SLC5A4: variants seen among roughly 807,000 people sequenced by gnomAD.
SLC5A4 encodes the protein solute carrier family 5 member 4.
Under a neutral mutation model 70.3 loss-of-function variants are expected in SLC5A4, and 55 were observed. The observed-to-expected ratio is 0.78, with a 90% CI of 0.63 to 0.98. The LOEUF (loss-of-function observed/expected upper bound fraction) is 0.98. Among genes scored for constraint, SLC5A4 ranks in the 50% least tolerant of loss-of-function variants. The pLI is 0.00. For missense variants in SLC5A4, 735 were observed against 839.2 expected (o/e 0.88, Z 1.53); for synonymous variants, 268 against 305.7 (o/e 0.88, Z 1.29).
chr22:32,232,758 C>T (rs1194669399), intron 9 of SLC5A4, 141 bp downstream of exon 9: 2 of 1,001,760 alleles, frequency 2.0e-6, no homozygotes, highest in East Asian at 2.7e-5. Context: ...CCTTTGACCA[C>T]TGTGCAGGCT....
the SLC5A4 span, among the ~76,000 whole-genome samples, chr22:32,278,404 G>A: frequency 1.3e-5 from 2 of 152,156 alleles, no homozygotes; most frequent in Admixed American, 1.3e-4. Flanking sequence ...TGTAAGCAAG[G>A]ACAAAATTCA....
At chr22:32,263,183 G>GT in the SLC5A4 span, among the ~76,000 whole-genome samples, 6,267 of 151,656 alleles carry the variant, frequency 0.041, 437 homozygotes, top group African/African-American at 0.14. Flanking sequence ...TCTGTTTGTT[G>GT]TTTTTGTTAG....
At chr22:32,251,929 C>T in intron 2 of SLC5A4, 55 bp from the exon 3 acceptor site, 3 of 1,323,828 alleles carry the variant, frequency 2.3e-6, no homozygotes, top group Non-Finnish European at 3.3e-6. Context: ...AATCAGACTT[C>T]TTGAAAATAG....
the SLC5A4 span, among the ~76,000 whole-genome samples, chr22:32,278,623 G>A: frequency 6.6e-6 from 1 of 152,154 alleles, no homozygotes; most frequent in Non-Finnish European, 1.5e-5. Flanking sequence ...TTTGAACTGT[G>A]ACGTGTGTAA....
chr22:32,235,725 G>A (rs1481861077), intron 7 of SLC5A4, among the ~76,000 whole-genome samples: 1 of 151,320 alleles, frequency 6.6e-6, no homozygotes, highest in Non-Finnish European at 1.5e-5. Context: ...AATTGTGATT[G>A]CCCTTAGAAA....
the SLC5A4 span, among the ~76,000 whole-genome samples, chr22:32,288,540 TTTTG>T: frequency 2.0e-5 from 3 of 152,150 alleles, no homozygotes; most frequent in Non-Finnish European, 2.9e-5. Context: ...TCTCTGTCTC[TTTTG>T]TTTTTTTCTT....
At chr22:32,262,633 A>T in the SLC5A4 span, among the ~76,000 whole-genome samples, 1 of 152,096 alleles carries the variant, frequency 6.6e-6, no homozygotes, top group Non-Finnish European at 1.5e-5. Flanking sequence ...CACAGTTGGT[A>T]GACTGCATGT....
the SLC5A4 span, chr22:32,272,622 T>C: frequency 3.4e-6 from 2 of 596,258 alleles, no homozygotes; most frequent in African/African-American, 1.9e-5. Flanking sequence ...TGACCACGAC[T>C]GCAGCCTCAT....
In SLC5A4 at chr22:32,247,473, C is replaced by T. The variant is rs62239058; in HGVS notation, c.415G>A (p.Glu139Lys). The T allele has an allele frequency of 1.9e-6, 3 of 1,613,272 alleles. No homozygotes were observed. The highest frequency in any genetic ancestry group is 1.7e-5 in the Admixed American group (1 of 59,980). The change falls in exon 5 of 15, where the codon GAG becomes AAG. Residue 139 changes from glutamate to lysine, a missense_variant. Transcript: ENST00000266086. The stretch of plus-strand genomic sequence containing the variant: ...ATGGAGAGGTAGACCTGGAGTCGCT[C>T]CCCACCAAACCGCTTCTTGAGATAT... ...PEYLKKRFGG[E>K]RLQVYLSILS...
the SLC5A4 span, among the ~76,000 whole-genome samples, chr22:32,320,522 C>G: frequency 6.6e-6 from 1 of 152,192 alleles, no homozygotes; most frequent in South Asian, 2.1e-4. Context: ...CATGCAGAGA[C>G]CAGGCAGGCT....
the SLC5A4 span, among the ~76,000 whole-genome samples, chr22:32,283,368 A>G: frequency 1.3e-4 from 20 of 152,330 alleles, 1 homozygote; most frequent in African/African-American, 4.6e-4. Context: ...TTATTTAATA[A>G]TTCAAACTCC....
At chr22:32,271,075 C>A in the SLC5A4 span, 1 of 587,870 alleles carries the variant, frequency 1.7e-6, no homozygotes, top group Non-Finnish European at 3.1e-6. Flanking sequence ...TCAGTCCCAG[C>A]AAGGAGGTGG....
At chr22:32,302,268 T>C in the SLC5A4 span, among the ~76,000 whole-genome samples, 5 of 149,826 alleles carry the variant, frequency 3.3e-5, no homozygotes, top group African/African-American at 1.2e-4. Flanking sequence ...TTTTTGTGTC[T>C]AGCTACTAGT....
At chr22:32,305,068 GTTCA>G in the SLC5A4 span, among the ~76,000 whole-genome samples, 2 of 152,150 alleles carry the variant, frequency 1.3e-5, no homozygotes, top group Admixed American at 6.5e-5. Context: ...TATATATTCT[GTTCA>G]TTGTCTGTTC....
intron 8 of SLC5A4, among the ~76,000 whole-genome samples, chr22:32,233,446 G>T (rs923608960): frequency 6.6e-6 from 1 of 152,128 alleles, no homozygotes; most frequent in African/African-American, 2.4e-5. Flanking sequence ...GCTTTGATTT[G>T]CCCTGAAGGA....
At chr22:32,319,778 C>T in the SLC5A4 span, among the ~76,000 whole-genome samples, 4 of 152,142 alleles carry the variant, frequency 2.6e-5, no homozygotes, top group Admixed American at 6.5e-5. Flanking sequence ...AATGCATTAT[C>T]GCTGTCTAAA....
At chr22:32,274,527 C>T in the SLC5A4 span, among the ~76,000 whole-genome samples, 4 of 151,706 alleles carry the variant, frequency 2.6e-5, no homozygotes, top group South Asian at 2.1e-4. Context: ...GAAACAATCT[C>T]GAGTATGAAA....
the SLC5A4 span, among the ~76,000 whole-genome samples, chr22:32,291,897 G>T: frequency 2.2e-5 from 3 of 137,210 alleles, no homozygotes; most frequent in South Asian, 2.3e-4. Flanking sequence ...TTTGGAGATG[G>T]AGTCTCATTC....
At chr22:32,318,089 C>T in the SLC5A4 span, among the ~76,000 whole-genome samples, 1 of 152,130 alleles carries the variant, frequency 6.6e-6, no homozygotes, top group Non-Finnish European at 1.5e-5. Flanking sequence ...CACTGCACTC[C>T]CCTCTCCTGG....
Sources: gnomAD v4.1 joint callset for allele counts (sites outside exome capture counted in the v4.1 genomes callset) on GRCh38, gnomAD v4.1.1 for gene constraint, MANE v1.5 for transcripts, NCBI Gene and HGNC (gene_info 2026-07-23, HGNC 2026-07-21) for gene names.